SPATA31C1: variants seen among roughly 807,000 people sequenced by gnomAD.
SPATA31C1 encodes the protein spermatogenesis-associated protein 31C1.
exon 5 of SPATA31C1, chr9:87,922,847 G>C (rs1564141382): frequency 6.2e-7 from 1 of 1,606,306 alleles, no homozygotes; most frequent in Non-Finnish European, 8.5e-7. Context: ...TTCAAGGATT[G>C]AGGACTCCTC....
chr9:87,915,199 C>G (rs943916829), intron 1 of SPATA31C1, among the ~76,000 whole-genome samples: 1 of 84,080 alleles, frequency 1.2e-5, no homozygotes, highest in African/African-American at 4.5e-5. Context: ...TACCTGACAG[C>G]TCAGTGGTGC....
exon 5 of SPATA31C1, chr9:87,921,877 T>C: frequency 1.2e-6 from 2 of 1,612,042 alleles, no homozygotes; most frequent in African/African-American, 2.7e-5. Flanking sequence ...GCCCATATTG[T>C]GAGGTTTTGG....
exon 5 of SPATA31C1, chr9:87,921,629 G>C: frequency 1.9e-6 from 3 of 1,612,036 alleles, no homozygotes; most frequent in Non-Finnish European, 2.5e-6. Flanking sequence ...GACGCACAGA[G>C]AGGAATCATA....
chr9:87,921,701 C>A, exon 5 of SPATA31C1: 1 of 1,612,078 alleles, frequency 6.2e-7, no homozygotes, highest in South Asian at 1.1e-5. Context: ...AGGGCTTGAT[C>A]CCCGTGAGTG....
chr9:87,919,777 C>G, intron 3 of SPATA31C1, 139 bp from the exon 3 acceptor site: 1 of 1,292,018 alleles, frequency 7.7e-7, no homozygotes, highest in Non-Finnish European at 1.1e-6. Context: ...CTATTACCGT[C>G]GGGGCCATGT....
At chr9:87,921,765 G>A (rs770240077) in exon 5 of SPATA31C1, 50 of 1,611,926 alleles carry the variant, frequency 3.1e-5, no homozygotes, top group Middle Eastern at 2.2e-4. Context: ...CAACACCCAC[G>A]TGAAAACCAG....
rs756309026 is a variant in SPATA31C1 at position 87,920,963 on chromosome 9, A to G, written n.1353A>G. 3.1e-6 allele frequency: 5 copies of G among 1,612,868 alleles called. No homozygotes were observed. In the South Asian group the frequency reaches 5.5e-5, roughly 18 times the overall value. On this transcript the variant is annotated non_coding_transcript_exon_variant, in exon 5 of 5. Coordinates refer to ENST00000420021, the Ensembl canonical transcript of SPATA31C1. Reference sequence around the variant, plus strand: ...CATCCACACCCCAATTCCGGCCCACACCTATGGCTCAGGCCGAGGCTCAGG... The same window carrying G: ...CATCCACACCCCAATTCCGGCCCACGCCTATGGCTCAGGCCGAGGCTCAGG...
At chr9:87,922,850 G>A (rs1286710933) in exon 5 of SPATA31C1, 1 of 1,606,254 alleles carries the variant, frequency 6.2e-7, no homozygotes, top group Non-Finnish European at 8.5e-7. Context: ...AAGGATTGAG[G>A]ACTCCTCAAC....
At chr9:87,921,730 C>T (rs757107099) in exon 5 of SPATA31C1, 2 of 1,612,080 alleles carry the variant, frequency 1.2e-6, no homozygotes, top group Non-Finnish European at 1.7e-6. Context: ...TCCTGGCTTG[C>T]TGTCAACCAG....
intron 2 of SPATA31C1, chr9:87,918,913 C>A: frequency 2.8e-6 from 1 of 355,230 alleles, no homozygotes; most frequent in Non-Finnish European, 5.5e-6. Context: ...CTGGGGATTA[C>A]AGGCGCCCGC....
intron 1 of SPATA31C1, among the ~76,000 whole-genome samples, chr9:87,916,235 G>C (rs1828713988): frequency 7.4e-6 from 1 of 134,944 alleles, no homozygotes; most frequent in African/African-American, 2.8e-5. Context: ...TATGAAGATG[G>C]AGGAAGACTC....
Position 87,921,546 on chromosome 9 carries a change from G to T in SPATA31C1, n.1936G>T, listed in dbSNP as rs769525270. On this transcript the variant is annotated non_coding_transcript_exon_variant, in exon 5 of 5. Coordinates refer to ENST00000420021, the Ensembl canonical transcript of SPATA31C1. ...GGAAAGCTTCCCAGGGAAGGTTCTG[G>T]GGGCGACCTCTGAGGAGTCAGAAAG... The T allele has an allele frequency of 3.1e-6, 5 of 1,611,876 alleles. No individual in the cohort carries two copies. In the African/African-American group the frequency reaches 6.7e-5, roughly 22 times the overall value.
chr9:87,923,123 C>T (rs1369648761), exon 5 of SPATA31C1: 1 of 1,603,614 alleles, frequency 6.2e-7, no homozygotes, highest in Non-Finnish European at 8.5e-7. Flanking sequence ...CGGAGGAGAA[C>T]ATGTCACTTT....
At chr9:87,921,967 C>T in exon 5 of SPATA31C1, 1 of 1,612,910 alleles carries the variant, frequency 6.2e-7, no homozygotes, top group South Asian at 1.1e-5. Flanking sequence ...TCATCCTTGT[C>T]CCTTATACAG....
chr9:87,920,027 C>A (rs1193682434), intron 4 of SPATA31C1, 51 bp downstream of exon 3: 15 of 1,608,352 alleles, frequency 9.3e-6, no homozygotes, highest in Non-Finnish European at 1.2e-5. Flanking sequence ...TGGGACGTGA[C>A]CCCAGGGCCA....
chr9:87,916,244 T>A (rs1336188534), intron 1 of SPATA31C1, among the ~76,000 whole-genome samples: 1 of 124,910 alleles, frequency 8.0e-6, no homozygotes, highest in Non-Finnish European at 1.7e-5. Context: ...GGAGGAAGAC[T>A]CCATCTCAAA....
At chr9:87,919,175 G>A (rs369238088) in intron 2 of SPATA31C1, 80 bp from the exon 2 acceptor site, 59 of 1,583,090 alleles carry the variant, frequency 3.7e-5, no homozygotes, top group African/African-American at 8.1e-5. Flanking sequence ...AGAGCCATGC[G>A]GTTCATGAGT....
chr9:87,919,277 A>G, intron 2 of SPATA31C1: 1 of 1,586,890 alleles, frequency 6.3e-7, no homozygotes, highest in South Asian at 1.1e-5. Context: ...TCCCAGCGTC[A>G]TCTTGTCTCC....
intron 2 of SPATA31C1, 60 bp from the exon 2 acceptor site, chr9:87,919,195 T>A: frequency 1.9e-6 from 3 of 1,595,202 alleles, no homozygotes; most frequent in Non-Finnish European, 2.6e-6. Flanking sequence ...TGCAGCGTGC[T>A]GCGGCTGGGG....
Sources: gnomAD v4.1 joint callset for allele counts (sites outside exome capture counted in the v4.1 genomes callset) on GRCh38, gnomAD v4.1.1 for gene constraint, MANE v1.5 for transcripts, NCBI Gene and HGNC (gene_info 2026-07-23, HGNC 2026-07-21) for gene names.